The following SLC39A9 variants were observed in gnomAD, a reference collection of about 807,000 sequenced individuals.
SLC39A9 encodes the protein solute carrier family 39 member 9.
Under a neutral mutation model 28.4 loss-of-function variants are expected in SLC39A9, and 14 were observed. The ratio of observed to expected loss-of-function variants is 0.49; its 90% CI spans 0.33 to 0.77. The LOEUF is 0.77. SLC39A9 is among the 30% of genes least tolerant of loss of function. SLC39A9 has a pLI of 0.02. For missense variants in SLC39A9, 283 were observed against 381.1 expected (o/e 0.74, Z 2.14); for synonymous variants, 119 against 149.6 (o/e 0.80, Z 1.49).
chr14:69,444,060 C>A (rs1308774015), intron 3 of SLC39A9, among the ~76,000 whole-genome samples: 3 of 151,396 alleles, frequency 2.0e-5, no homozygotes, highest in Non-Finnish European at 4.4e-5. Flanking sequence ...ATGAGGCATG[C>A]CTGTAGTCGC....
intron 5 of SLC39A9, among the ~76,000 whole-genome samples, chr14:69,455,111 A>T (rs972489839): frequency 2.6e-5 from 4 of 152,146 alleles, no homozygotes; most frequent in Non-Finnish European, 5.9e-5. Flanking sequence ...AGACATATAC[A>T]CAAATTGTCA....
intron 1 of SLC39A9, among the ~76,000 whole-genome samples, chr14:69,414,488 G>T (rs574021276): frequency 2.0e-5 from 3 of 152,162 alleles, no homozygotes; most frequent in Non-Finnish European, 4.4e-5. Flanking sequence ...AAAATTTTTG[G>T]AAGGGCCTTT....
chr14:69,434,336 G>A (rs969374171), intron 2 of SLC39A9, among the ~76,000 whole-genome samples: 71 of 151,394 alleles, frequency 4.7e-4, no homozygotes, highest in African/African-American at 4.3e-4. Context: ...CACCTGCCTC[G>A]GCCTCCCAGA....
intron 4 of SLC39A9, chr14:69,454,556 C>T (rs954259730): frequency 4.2e-5 from 14 of 329,526 alleles, no homozygotes; most frequent in Non-Finnish European, 7.1e-5. Context: ...ACAACAGCAA[C>T]CAAAATAACT....
chr14:69,457,363 C>T (rs533898276), intron 6 of SLC39A9, among the ~76,000 whole-genome samples: 1 of 151,576 alleles, frequency 6.6e-6, no homozygotes, highest in Non-Finnish European at 1.5e-5. Context: ...CCACCATGCC[C>T]GGCTAATTTT....
chr14:69,458,345 C>G lies in SLC39A9; in HGVS notation c.694-18C>G. On this transcript the variant is annotated intron_variant, in intron 6 of 6. Transcript: ENST00000336643. ...TTACTTGACTTAGTTTTTCCTCTTTCTCTCTTCTAATTCACAGAGCAGTAA... is the reference window on the plus strand; with the variant it reads ...TTACTTGACTTAGTTTTTCCTCTTTGTCTCTTCTAATTCACAGAGCAGTAA... 3 of 1,609,400 alleles carry G rather than the reference C, an allele frequency of 1.9e-6. No homozygotes were observed. In the African/African-American group the frequency reaches 4.0e-5, roughly 22 times the overall value.
chr14:69,443,041 CA>C (rs1885120190), intron 3 of SLC39A9, among the ~76,000 whole-genome samples: 1 of 152,146 alleles, frequency 6.6e-6, no homozygotes, highest in African/African-American at 2.4e-5. Context: ...AATTTGACTC[CA>C]GTCATAGTAA....
At chr14:69,419,453 G>A (rs1275738335) in intron 1 of SLC39A9, among the ~76,000 whole-genome samples, 1 of 152,176 alleles carries the variant, frequency 6.6e-6, no homozygotes, top group African/African-American at 2.4e-5. Flanking sequence ...AGTGCAATGT[G>A]GTGCTGAGAA....
At chr14:69,422,433 C>T (rs2140272620) in intron 1 of SLC39A9, among the ~76,000 whole-genome samples, 1 of 152,150 alleles carries the variant, frequency 6.6e-6, no homozygotes, top group South Asian at 2.1e-4. Context: ...ACAGCTCTTA[C>T]TATGTTGCCC....
intron 1 of SLC39A9, among the ~76,000 whole-genome samples, chr14:69,412,009 T>C (rs368927183): frequency 1.3e-5 from 2 of 151,896 alleles, no homozygotes; most frequent in African/African-American, 2.4e-5. Context: ...TCTCGATCTC[T>C]TGACCTCGTG....
chr14:69,444,965 C>T (rs745948305), intron 3 of SLC39A9, among the ~76,000 whole-genome samples: 1 of 151,012 alleles, frequency 6.6e-6, no homozygotes, highest in Non-Finnish European at 1.5e-5. Context: ...GAAACCCTGT[C>T]GCTCTAAAAA....
chr14:69,433,615 G>C (rs1228436476), intron 2 of SLC39A9, among the ~76,000 whole-genome samples: 1 of 152,110 alleles, frequency 6.6e-6, no homozygotes, highest in African/African-American at 2.4e-5. Flanking sequence ...TTTTTAAATA[G>C]ATAGATATAG....
Position 69,460,989 on chromosome 14 carries a change from G to A in SLC39A9, c.*2396G>A. ...TGCTGGCATGGTGGGCAGTATTCCA[G>A]GAGAGGCCATGTCCGTGTTCACTTC... On this transcript the variant is annotated 3_prime_UTR_variant, in exon 7 of 7. Coordinates refer to ENST00000336643, the MANE Select transcript of SLC39A9 (RefSeq NM_018375.5). 1.0e-6 allele frequency: 1 copy of A among 985,506 alleles called. No individual in the cohort carries two copies. The highest frequency in any genetic ancestry group is 1.2e-6 in the Non-Finnish European group (1 of 830,032). The allele number at this position is 985,506 out of a possible 1,614,324, so 61.0% of individuals were successfully genotyped here. A position where few individuals can be genotyped will look rare whatever the true frequency, so the allele number is the denominator to read the frequency against.
intron 2 of SLC39A9, among the ~76,000 whole-genome samples, chr14:69,433,729 C>G (rs1884605905): frequency 6.6e-6 from 1 of 152,080 alleles, no homozygotes; most frequent in Non-Finnish European, 1.5e-5. Flanking sequence ...TTAGGTGAAG[C>G]TCATTGATTT....
chr14:69,437,686 T>A (rs1380468850), intron 2 of SLC39A9, among the ~76,000 whole-genome samples: 3 of 150,114 alleles, frequency 2.0e-5, no homozygotes, highest in African/African-American at 7.4e-5. Flanking sequence ...ACCTCCCGGG[T>A]TCAAGCAGTT....
At chr14:69,435,515 A>C (rs779153167) in intron 2 of SLC39A9, among the ~76,000 whole-genome samples, 1 of 152,148 alleles carries the variant, frequency 6.6e-6, no homozygotes. Context: ...TCTGTCTTCT[A>C]ATTGATGTGT....
chr14:69,403,527 A>G (rs552872134), intron 1 of SLC39A9, among the ~76,000 whole-genome samples: 19 of 152,354 alleles, frequency 1.2e-4, no homozygotes, highest in Admixed American at 3.9e-4. Context: ...ATTTCAATCC[A>G]TACCAATACA....
chr14:69,398,387 G>A (rs372812923), upstream of SLC39A9: 769 of 1,003,046 alleles, frequency 7.7e-4, 11 homozygotes, highest in South Asian at 0.011. Context: ...TAGAGGCACA[G>A]TCACTTCCGG....
At chr14:69,413,176 GA>G (rs1369885279) in intron 1 of SLC39A9, among the ~76,000 whole-genome samples, 1 of 152,108 alleles carries the variant, frequency 6.6e-6, no homozygotes, top group Non-Finnish European at 1.5e-5. Context: ...CTAACATGGT[GA>G]AACCCTGTCT....
Sources: gnomAD v4.1 joint callset for allele counts (sites outside exome capture counted in the v4.1 genomes callset) on GRCh38, gnomAD v4.1.1 for gene constraint, MANE v1.5 for transcripts, NCBI Gene and HGNC (gene_info 2026-07-23, HGNC 2026-07-21) for gene names.